Variants in STXBP3 observed in about 807,000 individuals in gnomAD.
The protein encoded by STXBP3 is syntaxin binding protein 3.
A neutral mutation model predicts 85.7 loss-of-function variants in STXBP3; 41 were observed. The ratio of observed to expected loss-of-function variants is 0.48; its 90% CI spans 0.37 to 0.62. The LOEUF (loss-of-function observed/expected upper bound fraction) is 0.62. Among genes scored for constraint, STXBP3 ranks in the 20% least tolerant of loss-of-function variants. The pLI is 0.00. For missense variants in STXBP3, 563 were observed against 703.1 expected (o/e 0.80, Z 2.25); for synonymous variants, 229 against 231.7 (o/e 0.99, Z 0.10).
intron 6 of STXBP3, among the ~76,000 whole-genome samples, chr1:108,770,615 C>T (rs1319955213): frequency 3.9e-5 from 6 of 152,076 alleles, no homozygotes; most frequent in Non-Finnish European, 5.9e-5. Context: ...AAAGGAAATG[C>T]GAGAAGTTTG....
At chr1:108,803,763 G>C (rs2101138626) in intron 17 of STXBP3, among the ~76,000 whole-genome samples, 1 of 152,324 alleles carries the variant, frequency 6.6e-6, no homozygotes, top group South Asian at 2.1e-4. Flanking sequence ...TGGGATTACA[G>C]GTGTGCGCCA....
chr1:108,754,395 A>G (rs976960634), intron 3 of STXBP3, among the ~76,000 whole-genome samples: 4 of 152,190 alleles, frequency 2.6e-5, no homozygotes, highest in African/African-American at 9.6e-5. Context: ...CCCTCAATGT[A>G]AAAAGCTCTA....
At chr1:108,798,658 C>T (rs1353408439) in intron 16 of STXBP3, among the ~76,000 whole-genome samples, 2 of 152,102 alleles carry the variant, frequency 1.3e-5, no homozygotes, top group African/African-American at 4.8e-5. Context: ...TCATGATCCA[C>T]CCACCTTGGC....
chr1:108,759,237 C>A (rs753048441), intron 5 of STXBP3: 1 of 152,130 alleles, frequency 6.6e-6, no homozygotes, highest in Non-Finnish European at 1.5e-5. Flanking sequence ...AGTAGTATAT[C>A]ATTTTTCCTA....
intron 9 of STXBP3, chr1:108,781,646 T>G (rs1377195629): frequency 6.6e-6 from 1 of 152,214 alleles, no homozygotes; most frequent in African/African-American, 2.4e-5. Context: ...GATAAATGTT[T>G]GTGAATTTTG....
chr1:108,756,822 G>GT (rs1191021806), intron 4 of STXBP3, 56 bp downstream of exon 4: 1 of 1,352,594 alleles, frequency 7.4e-7, no homozygotes, highest in African/African-American at 1.5e-5. Flanking sequence ...CATTGTTATG[G>GT]TTTACTAACA....
chr1:108,778,649 G>A (rs1321048581), intron 8 of STXBP3, among the ~76,000 whole-genome samples: 2 of 151,380 alleles, frequency 1.3e-5, no homozygotes, highest in Non-Finnish European at 2.9e-5. Context: ...TTAGTAAAAT[G>A]TCTAATATTT....
Position 108,771,221 on chromosome 1 carries a change from G to A in STXBP3, c.439-1444G>A, listed in dbSNP as rs80236258. The stretch of plus-strand genomic sequence containing the variant: ...GTAGACTAAAGCAGGAGAGGAGAGC[G>A]AGAAAAGAAATAAAGGATGAAATCA... On this transcript the variant is annotated intron_variant, in intron 6 of 18. Transcript: ENST00000370008. Among the ~76,000 whole-genome samples the A allele has an allele frequency of 9.6e-3, 1,437 of 150,078 alleles. 13 individuals are homozygous for A. Among genetic ancestry groups the A allele is most frequent in the Middle Eastern group, 0.031 (9 of 292 alleles).
intron 5 of STXBP3, among the ~76,000 whole-genome samples, 191 bp downstream of exon 5, chr1:108,758,779 C>T (rs765548613): frequency 7.2e-5 from 11 of 152,162 alleles, no homozygotes; most frequent in Non-Finnish European, 1.5e-4. Context: ...AAGATTATAT[C>T]TATCCTAATT....
chr1:108,781,508 A>G (rs1056629096), intron 9 of STXBP3: 2 of 152,188 alleles, frequency 1.3e-5, no homozygotes, highest in Admixed American at 6.5e-5. Flanking sequence ...ATTGTTGCTC[A>G]CTTCAGCAGA....
chr1:108,750,564 T>C (rs146619801), intron 1 of STXBP3, among the ~76,000 whole-genome samples: 9 of 152,342 alleles, frequency 5.9e-5, no homozygotes, highest in South Asian at 2.1e-4. Context: ...ATGTGTTTTA[T>C]TCCCCCCTCA....
chr1:108,774,653 T>C (rs1662547412), intron 7 of STXBP3, among the ~76,000 whole-genome samples: 1 of 147,532 alleles, frequency 6.8e-6, no homozygotes, highest in African/African-American at 2.5e-5. Flanking sequence ...TTTTTTTTTT[T>C]TTTTTTTTGA....
chr1:108,792,523 A>G (rs575557347), intron 11 of STXBP3, among the ~76,000 whole-genome samples: 12 of 152,306 alleles, frequency 7.9e-5, no homozygotes, highest in African/African-American at 2.4e-4. Context: ...GACATTTCCA[A>G]TCTTTTCCTC....
Position 108,776,316 on chromosome 1 carries a change from C to A in STXBP3, c.594-17C>A. ...CTGAAAGAAAGATAATTGTTTGATC[C>A]TTTTTTCCATTTCTAGTAAACCTCT... On this transcript the variant is annotated splice_polypyrimidine_tract_variant and intron_variant, in intron 7 of 18. Transcript: ENST00000370008. 1.3e-6 allele frequency: 2 copies of A among 1,566,548 alleles called. No individual in the cohort carries two copies. The highest frequency in any genetic ancestry group is 1.2e-5 in the South Asian group (1 of 85,638).
chr1:108,807,867 G>A (rs937608864), intron 18 of STXBP3, among the ~76,000 whole-genome samples: 3 of 152,018 alleles, frequency 2.0e-5, no homozygotes, highest in East Asian at 3.9e-4. Context: ...ATGAGCCACC[G>A]CACCCAGCCT....
chr1:108,784,746 T>C (rs1662789777), intron 11 of STXBP3, among the ~76,000 whole-genome samples: 1 of 152,090 alleles, frequency 6.6e-6, no homozygotes. Flanking sequence ...GCCTATAAAA[T>C]CAAAAACAAG....
chr1:108,798,493 G>A (rs113262214), intron 16 of STXBP3, among the ~76,000 whole-genome samples: 9 of 144,008 alleles, frequency 6.2e-5, no homozygotes, highest in African/African-American at 2.3e-4. Context: ...TTGGCTCACT[G>A]CAACCTTCGC....
At chr1:108,769,468 G>A (rs1037704585) in intron 6 of STXBP3, among the ~76,000 whole-genome samples, 1 of 152,222 alleles carries the variant, frequency 6.6e-6, no homozygotes, top group African/African-American at 2.4e-5. Context: ...ACCTTAGTGA[G>A]TACAGAGAGT....
At chr1:108,755,740 TAAATG>T (rs1430054130) in intron 3 of STXBP3, among the ~76,000 whole-genome samples, 3 of 152,124 alleles carry the variant, frequency 2.0e-5, no homozygotes, top group Admixed American at 6.6e-5. Flanking sequence ...ACAATTGAAA[TAAATG>T]AAAACAGATT....
Sources: allele counts gnomAD v4.1 joint callset (sites outside exome capture counted in the v4.1 genomes callset), GRCh38; gene constraint gnomAD v4.1.1; transcripts MANE v1.5; gene names NCBI Gene and HGNC (gene_info 2026-07-23, HGNC 2026-07-21).